Variants in SNRPE observed in about 807,000 individuals in gnomAD.
SNRPE encodes small nuclear ribonucleoprotein polypeptide E.
For missense variants in SNRPE, 53 were observed against 111.6 expected, an observed-to-expected ratio of 0.48 and a Z score of 2.36; for synonymous variants, 35 against 36.7, an observed-to-expected ratio of 0.95 and a Z score of 0.17.
intron 4 of SNRPE, among the ~76,000 whole-genome samples, chr1:203,865,721 G>C (rs187811691): frequency 5.9e-5 from 9 of 152,284 alleles, no homozygotes; most frequent in Non-Finnish European, 1.0e-4. Context: ...GTCAGCTCCA[G>C]ATTGTTTTAC....
intron 2 of SNRPE, among the ~76,000 whole-genome samples, chr1:203,863,402 C>T (rs1175421360): frequency 6.6e-6 from 1 of 152,162 alleles, no homozygotes; most frequent in Admixed American, 6.5e-5. Context: ...ACTGCAACCT[C>T]TGCCTCCCGG....
intron 4 of SNRPE, among the ~76,000 whole-genome samples, chr1:203,865,749 T>C (rs1343935622): frequency 6.6e-6 from 1 of 152,210 alleles, no homozygotes; most frequent in African/African-American, 2.4e-5. Flanking sequence ...TCTTACTGAC[T>C]GGCTATAAAC....
intron 3 of SNRPE, among the ~76,000 whole-genome samples, 154 bp from the exon 4 acceptor site, chr1:203,864,876 CAAAAAAAAAAA>C (rs61506397): frequency 3.3e-4 from 39 of 119,280 alleles, no homozygotes; most frequent in South Asian, 1.2e-3. Context: ...GATCCTTTCT[CAAAAAAAAAAA>C]AAAAAAAAAA....
At chr1:203,866,678 C>T (rs551302540) in intron 4 of SNRPE, among the ~76,000 whole-genome samples, 2 of 152,128 alleles carry the variant, frequency 1.3e-5, no homozygotes, top group African/African-American at 2.4e-5. Flanking sequence ...TTCCAGGCCT[C>T]ACTCATCTTT....
intron 1 of SNRPE, 128 bp downstream of exon 1, chr1:203,861,841 G>C (rs998010768): frequency 1.3e-6 from 1 of 783,572 alleles, no homozygotes; most frequent in Admixed American, 2.0e-5. Flanking sequence ...GGGCTACCAA[G>C]ACTGGAAGAA....
At position 203,870,484 on chromosome 1, in the gene SNRPE, G is replaced by C. The variant is rs1054104786; in HGVS notation, c.*552G>C. On this transcript the variant is annotated 3_prime_UTR_variant, in exon 5 of 5. Transcript: ENST00000414487. Reference sequence around the variant, plus strand: ...AAGATCAGAATGTGAGAAGTATTTGGATATAGGGAAAGAATGAAGTGCCTT... The same window carrying C: ...AAGATCAGAATGTGAGAAGTATTTGCATATAGGGAAAGAATGAAGTGCCTT... The C allele has an allele frequency of 2.6e-5, 4 of 152,146 alleles. No individual in the cohort carries two copies. The highest frequency in any genetic ancestry group is 5.9e-5 in the Non-Finnish European group (4 of 68,038). The allele number at this position is 152,146 out of a possible 1,614,324, so 9.4% of individuals were successfully genotyped here.
chr1:203,867,760 A>G (rs774926166), intron 4 of SNRPE, among the ~76,000 whole-genome samples: 1 of 152,174 alleles, frequency 6.6e-6, no homozygotes, highest in Non-Finnish European at 1.5e-5. Context: ...TGTGTGACCC[A>G]GTTTCTAACA....
chr1:203,862,056 A>G (rs1689988905), intron 1 of SNRPE, 140 bp from the exon 2 acceptor site: 3 of 701,332 alleles, frequency 4.3e-6, no homozygotes, highest in Non-Finnish European at 5.2e-6. Flanking sequence ...ACGAATGCCC[A>G]GCTGGGCACT....
intron 4 of SNRPE, among the ~76,000 whole-genome samples, chr1:203,869,289 C>CTGTTTTTT (rs1690161709): frequency 1.5e-5 from 1 of 66,790 alleles, no homozygotes; most frequent in African/African-American, 6.0e-5. Flanking sequence ...AGGATGGAGT[C>CTGTTTTTT]TTTTTTTTTT....
At chr1:203,863,862 T>C in intron 3 of SNRPE, 137 bp downstream of exon 3, 1 of 612,710 alleles carries the variant, frequency 1.6e-6, no homozygotes, top group Non-Finnish European at 3.0e-6. Context: ...CTGTTTAGCC[T>C]TTTTTCATTG....
intron 2 of SNRPE, among the ~76,000 whole-genome samples, chr1:203,862,706 T>C (rs1690002043): frequency 6.6e-6 from 1 of 152,194 alleles, no homozygotes; most frequent in Admixed American, 6.5e-5. Flanking sequence ...GCAGCTGCTT[T>C]CCTTTGAGGG....
At chr1:203,861,803 GTACGGA>G in intron 1 of SNRPE, 90 bp downstream of exon 1, 2 of 978,182 alleles carry the variant, frequency 2.0e-6, no homozygotes, top group Non-Finnish European at 3.3e-6. Context: ...GGATAGTGGA[GTACGGA>G]TCCACATCCC....
At position 203,862,193 on chromosome 1, in the gene SNRPE, C is replaced by A. The variant is rs1213355237; in HGVS notation, c.55-3C>A. ...TATTTTTTCCTTAGCCACTGTGGTG[C>A]AGAACCTCATCTTCAGATACTTACA... On this transcript the variant is annotated splice_polypyrimidine_tract_variant and splice_region_variant and intron_variant, in intron 1 of 4. Coordinates refer to ENST00000414487, the MANE Select transcript of SNRPE (RefSeq NM_003094.4). The A allele has an allele frequency of 6.2e-7, 1 of 1,609,912 alleles. No individual in the cohort carries two copies. Among genetic ancestry groups the A allele is most frequent in the Non-Finnish European group, 8.5e-7 (1 of 1,176,142 alleles).
chr1:203,866,897 G>C (rs997235493), intron 4 of SNRPE, among the ~76,000 whole-genome samples: 1 of 151,850 alleles, frequency 6.6e-6, no homozygotes, highest in Non-Finnish European at 1.5e-5. Flanking sequence ...TGAATCTGCA[G>C]ATTTGCCCAA....
intron 4 of SNRPE, among the ~76,000 whole-genome samples, chr1:203,867,778 G>C (rs573372970): frequency 5.3e-4 from 81 of 152,132 alleles, no homozygotes; most frequent in Non-Finnish European, 7.6e-4. Context: ...ACAGGGACCA[G>C]GACTGGTACT....
intron 3 of SNRPE, 76 bp from the exon 4 acceptor site, chr1:203,864,965 A>C (rs1335842003): frequency 6.7e-6 from 9 of 1,339,676 alleles, no homozygotes; most frequent in Non-Finnish European, 8.9e-6. Context: ...TGGAGTTTTT[A>C]TCTGCATAGG....
At chr1:203,869,516 T>C (rs1246721927) in intron 4 of SNRPE, among the ~76,000 whole-genome samples, 3 of 152,022 alleles carry the variant, frequency 2.0e-5, no homozygotes, top group Non-Finnish European at 1.5e-5. Flanking sequence ...TTTAATATAC[T>C]AACAGCTTTA....
At chr1:203,864,862 G>A (rs544315256) in intron 3 of SNRPE, among the ~76,000 whole-genome samples, 179 bp from the exon 4 acceptor site, 3 of 119,408 alleles carry the variant, frequency 2.5e-5, no homozygotes, top group Non-Finnish European at 1.7e-5. Flanking sequence ...GGAAGACAAA[G>A]TGAGATCCTT....
intron 1 of SNRPE, 116 bp downstream of exon 1, chr1:203,861,829 CG>C (rs1689983746): frequency 1.2e-6 from 1 of 825,622 alleles, no homozygotes; most frequent in Non-Finnish European, 2.1e-6. Context: ...CATGAGCCCC[CG>C]GGGCTACCAA....
Sources: gnomAD v4.1 joint callset for allele counts (sites outside exome capture counted in the v4.1 genomes callset) on GRCh38, gnomAD v4.1.1 for gene constraint, MANE v1.5 for transcripts, NCBI Gene and HGNC (gene_info 2026-07-23, HGNC 2026-07-21) for gene names.